Variants in SDHAF4 observed in about 807,000 individuals in gnomAD.
The protein encoded by SDHAF4 is succinate dehydrogenase assembly factor 4, mitochondrial.
A neutral mutation model predicts 14.3 loss-of-function variants in SDHAF4; 14 were observed. The observed-to-expected ratio is 0.98, with a 90% CI of 0.65 to 1.53. The LOEUF (loss-of-function observed/expected upper bound fraction) is 1.53, where lower values mean the gene tolerates loss of function less well. SDHAF4 is among the 40% of genes most tolerant of loss of function. The pLI, the probability that SDHAF4 is intolerant of heterozygous loss-of-function variation, is 0.00. For synonymous variants in SDHAF4, 63 were observed against 47.3 expected, an observed-to-expected ratio of 1.33 and a Z score of -1.36; for missense variants, 141 against 129.3, an observed-to-expected ratio of 1.09 and a Z score of -0.44.
At chr6:70,570,072 G>T (rs1344647699) in intron 1 of SDHAF4, among the ~76,000 whole-genome samples, 1 of 151,888 alleles carries the variant, frequency 6.6e-6, no homozygotes, top group African/African-American at 2.4e-5. Context: ...TTTATTTCTT[G>T]GCTCTTTTCT....
rs928385020 is a variant in SDHAF4 at position 70,579,314 on chromosome 6, T to C, written c.65-100T>C. 3 of 973,592 alleles carry C rather than the reference T, an allele frequency of 3.1e-6. No individual in the cohort carries two copies. The African/African-American group carries it at 5.1e-5, about 17-fold the overall frequency. The allele number at this position is 973,592 out of a possible 1,614,324, so 60.3% of individuals were successfully genotyped here. A position where few individuals can be genotyped will look rare whatever the true frequency, so the allele number is the denominator to read the frequency against. ...TTTGTACTTTTTGAACTTTGAGAAA[T>C]GTGAATGTATAAACTAAAAACAAAT... On this transcript the variant is annotated intron_variant, in intron 1 of 2. Coordinates refer to ENST00000370474, the MANE Select transcript of SDHAF4 (RefSeq NM_145267.3).
At chr6:70,568,962 CTTTTT>C (rs5877254) in intron 1 of SDHAF4, among the ~76,000 whole-genome samples, 32 of 97,990 alleles carry the variant, frequency 3.3e-4, no homozygotes, top group African/African-American at 6.3e-4. Flanking sequence ...TTTCTTTTTT[CTTTTT>C]TTTTTTTTTT....
intron 1 of SDHAF4, among the ~76,000 whole-genome samples, chr6:70,574,655 G>T (rs560885346): frequency 1.3e-5 from 2 of 152,168 alleles, no homozygotes; most frequent in East Asian, 3.9e-4. Context: ...AAATCTTTCA[G>T]CTGGGTGCGG....
At chr6:70,577,593 C>T (rs889333926) in intron 1 of SDHAF4, among the ~76,000 whole-genome samples, 3 of 152,160 alleles carry the variant, frequency 2.0e-5, no homozygotes, top group African/African-American at 4.8e-5. Flanking sequence ...AGGGAGTACA[C>T]GTGCAGGTTT....
chr6:70,579,661 C>A, intron 2 of SDHAF4, 95 bp downstream of exon 2: 4 of 1,054,914 alleles, frequency 3.8e-6, no homozygotes, highest in Non-Finnish European at 4.0e-6. Context: ...TTTGTTATTG[C>A]TTAAATTCTG....
intron 1 of SDHAF4, among the ~76,000 whole-genome samples, chr6:70,576,863 G>C (rs1259562835): frequency 6.6e-6 from 1 of 152,194 alleles, no homozygotes; most frequent in Non-Finnish European, 1.5e-5. Context: ...CCAACACCTA[G>C]TAAGTGGTTG....
At chr6:70,582,975 G>C (rs917689346) in intron 2 of SDHAF4, among the ~76,000 whole-genome samples, 1 of 152,128 alleles carries the variant, frequency 6.6e-6, no homozygotes, top group Non-Finnish European at 1.5e-5. Flanking sequence ...TTGACATAAA[G>C]ATGAATAAGA....
chr6:70,567,092 G>T, intron 1 of SDHAF4, 88 bp downstream of exon 1: 2 of 1,322,898 alleles, frequency 1.5e-6, no homozygotes, highest in Non-Finnish European at 1.0e-6. Context: ...AGGAAGCCGC[G>T]TGTGTCCTGG....
chr6:70,595,710 C>G, the SDHAF4 span, among the ~76,000 whole-genome samples: 17 of 152,088 alleles, frequency 1.1e-4, no homozygotes, highest in Non-Finnish European at 1.5e-4. Flanking sequence ...GTGGCGCACG[C>G]CCGTAATCCC....
At chr6:70,595,510 C>T in the SDHAF4 span, among the ~76,000 whole-genome samples, 5,310 of 152,258 alleles carry the variant, frequency 0.035, 233 homozygotes, top group African/African-American at 0.1. Flanking sequence ...AACTACATTT[C>T]TTTAGAAATA....
At chr6:70,567,164 G>A (rs1802108586) in intron 1 of SDHAF4, among the ~76,000 whole-genome samples, 160 bp downstream of exon 1, 1 of 152,226 alleles carries the variant, frequency 6.6e-6, no homozygotes, top group African/African-American at 2.4e-5. Context: ...CGGTGGCCTG[G>A]GCAGGTTCCT....
chr6:70,584,619 T>A (rs1004411669), intron 2 of SDHAF4, among the ~76,000 whole-genome samples: 1 of 152,096 alleles, frequency 6.6e-6, no homozygotes, highest in Admixed American at 6.6e-5. Context: ...ACAAAAAGTT[T>A]CAGAAAACTG....
At position 70,566,946 on chromosome 6, in the gene SDHAF4, C is replaced by G; in HGVS notation, c.6C>G (p.Thr2=). 1.3e-6 allele frequency: 2 copies of G among 1,585,900 alleles called. No individual in the cohort carries two copies. Among genetic ancestry groups the G allele is most frequent in the Non-Finnish European group, 1.7e-6 (2 of 1,166,170 alleles). The change falls in exon 1 of 3, where the codon ACC becomes ACG. Residue 2 remains threonine (T), a synonymous_variant. Transcript: ENST00000370474. M[T]PSRLPWLLSW... ...AGGCTCGGGGAGTCGGCGCCATGAC[C>G]CCATCGAGGCTTCCCTGGTTGCTTA...
intron 1 of SDHAF4, among the ~76,000 whole-genome samples, chr6:70,569,359 C>G (rs1350205326): frequency 6.6e-6 from 1 of 152,006 alleles, no homozygotes; most frequent in South Asian, 2.1e-4. Context: ...ACATCTGCCT[C>G]CTGAGTTCAA....
intron 1 of SDHAF4, among the ~76,000 whole-genome samples, chr6:70,578,650 C>T (rs1295736588): frequency 6.6e-6 from 1 of 152,116 alleles, no homozygotes; most frequent in East Asian, 1.9e-4. Flanking sequence ...TAAATTATTT[C>T]CCAAGACCAA....
chr6:70,576,551 C>A (rs539086704), intron 1 of SDHAF4, among the ~76,000 whole-genome samples: 1 of 152,302 alleles, frequency 6.6e-6, no homozygotes, highest in Non-Finnish European at 1.5e-5. Context: ...TGTACACATA[C>A]ACAGATATAC....
downstream of SDHAF4, among the ~76,000 whole-genome samples, chr6:70,591,616 G>A (rs191759765): frequency 5.9e-5 from 9 of 152,146 alleles, no homozygotes; most frequent in Admixed American, 1.3e-4. Context: ...GTGAGCCACC[G>A]CGCCCGGCCA....
chr6:70,586,656 C>T (rs542770265), intron 2 of SDHAF4, among the ~76,000 whole-genome samples: 23 of 151,990 alleles, frequency 1.5e-4, no homozygotes, highest in African/African-American at 4.8e-4. Flanking sequence ...ATTAAGTATC[C>T]TCTGTGAGCC....
chr6:70,579,459 A>T lies in SDHAF4; in HGVS notation c.110A>T (p.Gln37Leu). The change falls in exon 2 of 3, where the codon CAA (glutamine) becomes CTA (leucine). Residue 37 changes from glutamine to leucine, a missense_variant. Transcript: ENST00000370474. ...TCTCTGAGGAAAACAAGTTCTTCTC[A>T]AGGAGGAAAGTCTGAACTTGTCAAA... Reference protein sequence around the residue: ...CHSLRKTSSSQGGKSELVKQS... With the variant: ...CHSLRKTSSSLGGKSELVKQS... 2 of 1,608,822 alleles carry T rather than the reference A, an allele frequency of 1.2e-6. No homozygotes were observed. Among genetic ancestry groups the T allele is most frequent in the Non-Finnish European group, 1.7e-6 (2 of 1,177,254 alleles).
Sources: allele counts gnomAD v4.1 joint callset (sites outside exome capture counted in the v4.1 genomes callset), GRCh38; gene constraint gnomAD v4.1.1; transcripts MANE v1.5; gene names NCBI Gene and HGNC (gene_info 2026-07-23, HGNC 2026-07-21).